ADGRL3: variants seen among roughly 807,000 people sequenced by gnomAD.
The protein encoded by ADGRL3 is adhesion G protein-coupled receptor L3.
In ADGRL3, 62 loss-of-function variants were observed where a neutral mutation model predicts 153.5. The observed-to-expected ratio is 0.40, with a 90% confidence interval of 0.33 to 0.50. The LOEUF is 0.50. ADGRL3 is among the 20% of genes least tolerant of loss of function. The pLI is 0.47. For missense variants in ADGRL3, 1,641 were observed against 1,859.4 expected (o/e 0.88, Z 2.16); for synonymous variants, 710 against 672.5 (o/e 1.06, Z -0.86).
chr4:61,775,172 C>T (rs1182412114), intron 8 of ADGRL3, among the ~76,000 whole-genome samples: 1 of 151,806 alleles, frequency 6.6e-6, no homozygotes, highest in African/African-American at 2.4e-5. Flanking sequence ...TGAATTATCC[C>T]CCAAGTATGA....
intron 9 of ADGRL3, among the ~76,000 whole-genome samples, chr4:61,888,406 A>G (rs531743621): frequency 5.3e-5 from 8 of 152,346 alleles, no homozygotes; most frequent in Non-Finnish European, 1.2e-4. Context: ...ATAAACTCTC[A>G]TAGCCTATAA....
chr4:61,490,023 A>G (rs1424865617), intron 2 of ADGRL3, among the ~76,000 whole-genome samples: 4 of 152,100 alleles, frequency 2.6e-5, no homozygotes, highest in South Asian at 2.1e-4. Flanking sequence ...GATTCTTCCT[A>G]TTACTGTCTA....
chr4:61,268,006 G>T (rs2092952484), intron 1 of ADGRL3, among the ~76,000 whole-genome samples: 1 of 151,622 alleles, frequency 6.6e-6, no homozygotes, highest in Admixed American at 6.6e-5. Context: ...AGGAAAAATA[G>T]ATATCTGACC....
In ADGRL3 at chr4:61,497,216, G is replaced by A; in HGVS notation, c.-78G>A. The stretch of plus-strand genomic sequence containing the variant: ...ATCATCAGTCTTGGAATACAGAAGA[G>A]AAACTAGAAATATACGTATTTTGTT... On this transcript the variant is annotated 5_prime_UTR_variant, in exon 3 of 27. Transcript: ENST00000683033. 1 of 823,048 alleles carries A rather than the reference G, an allele frequency of 1.2e-6. No individual in the cohort carries two copies. Among genetic ancestry groups the A allele is most frequent in the Non-Finnish European group, 2.0e-6 (1 of 507,532 alleles). 51.0% of individuals were successfully genotyped at this position (823,048 alleles called of 1,614,324 possible).
At chr4:61,580,912 C>T (rs779215630) in intron 4 of ADGRL3, among the ~76,000 whole-genome samples, 4 of 151,914 alleles carry the variant, frequency 2.6e-5, no homozygotes, top group African/African-American at 4.8e-5. Flanking sequence ...CCTTTAGAAG[C>T]GAGTCACTCA....
intron 3 of ADGRL3, among the ~76,000 whole-genome samples, chr4:61,514,484 A>G (rs1294207603): frequency 2.0e-5 from 3 of 152,242 alleles, no homozygotes; most frequent in East Asian, 1.9e-4. Context: ...CACAGAAGTC[A>G]TACAATATCT....
At chr4:61,988,208 G>A (rs953537420) in intron 19 of ADGRL3, among the ~76,000 whole-genome samples, 2 of 151,948 alleles carry the variant, frequency 1.3e-5, no homozygotes, top group African/African-American at 4.8e-5. Flanking sequence ...TGCTTGTAAG[G>A]AGCCATTATT....
chr4:61,559,025 G>T (rs1255933299), intron 4 of ADGRL3, among the ~76,000 whole-genome samples: 1 of 151,702 alleles, frequency 6.6e-6, no homozygotes, highest in African/African-American at 2.4e-5. Flanking sequence ...ATTATAATAA[G>T]GATTAATGAG....
intron 6 of ADGRL3, among the ~76,000 whole-genome samples, chr4:61,725,137 T>A (rs1267430207): frequency 6.6e-6 from 1 of 152,186 alleles, no homozygotes; most frequent in African/African-American, 2.4e-5. Flanking sequence ...GCACTGTAGA[T>A]GAGTAAGATG....
chr4:61,674,034 G>A (rs1319946905), intron 5 of ADGRL3, among the ~76,000 whole-genome samples: 1 of 151,022 alleles, frequency 6.6e-6, no homozygotes, highest in African/African-American at 2.4e-5. Context: ...AACTCACAAT[G>A]GTAACTAATA....
rs1734527202 is a variant in ADGRL3 at position 61,201,091 on chromosome 4, CT to C, written c.-913del. Among the ~76,000 whole-genome samples, 1 of 152,116 alleles carries C rather than the reference CT, an allele frequency of 6.6e-6. No individual in the cohort carries two copies. The highest frequency in any genetic ancestry group is 1.5e-5 in the Non-Finnish European group (1 of 68,012). On this transcript the variant is annotated 5_prime_UTR_variant, in exon 1 of 27. It removes the in-frame stop codon of an upstream open reading frame in the 5' UTR. Transcript: ENST00000683033. ...GGACGGTTTGGCGGAGAAGCCACCC[CT>C]GGCCCTCGCGGCTCCCCCTACCTAT...
chr4:61,592,073 C>CAAAAA (rs34116654), intron 5 of ADGRL3, among the ~76,000 whole-genome samples: 1 of 123,674 alleles, frequency 8.1e-6, no homozygotes. Context: ...GAAACTGCTT[C>CAAAAA]AAAAAAAAAA....
At chr4:61,882,110 A>G (rs1344211582) in intron 9 of ADGRL3, among the ~76,000 whole-genome samples, 1 of 152,234 alleles carries the variant, frequency 6.6e-6, no homozygotes, top group Non-Finnish European at 1.5e-5. Flanking sequence ...GAACACTAAC[A>G]TAATTGTATT....
intron 6 of ADGRL3, among the ~76,000 whole-genome samples, chr4:61,694,906 T>C (rs2095612642): frequency 6.6e-6 from 1 of 152,222 alleles, no homozygotes; most frequent in South Asian, 2.1e-4. Context: ...AGAGTCCATC[T>C]CAACATCTGC....
rs569354986 is a variant in ADGRL3, at chr4:61,313,485, G to A, written c.-239-69639G>A. ...TAGAGGGAACTTTGTGTGTGCCCAT[G>A]CAGGGGAGAAGGCCAGGTATTATAT... On this transcript the variant is annotated intron_variant, in intron 1 of 26. Transcript: ENST00000683033. Among the ~76,000 whole-genome samples the A allele has an allele frequency of 4.6e-5, 7 of 152,320 alleles. No individual in the cohort carries two copies. The South Asian group carries it at 1.4e-3, about 32-fold the overall frequency.
At chr4:61,614,032 T>C (rs1195514516) in intron 5 of ADGRL3, among the ~76,000 whole-genome samples, 1 of 151,856 alleles carries the variant, frequency 6.6e-6, no homozygotes, top group Non-Finnish European at 1.5e-5. Context: ...TCCACGTTTA[T>C]TTTTTTTAAT....
chr4:61,229,790 C>G (rs1749760572), intron 1 of ADGRL3, among the ~76,000 whole-genome samples: 1 of 151,942 alleles, frequency 6.6e-6, no homozygotes, highest in Non-Finnish European at 1.5e-5. Flanking sequence ...GCCTGTAGTC[C>G]CAGCTACTTG....
intron 5 of ADGRL3, among the ~76,000 whole-genome samples, chr4:61,654,023 C>T (rs556835867): frequency 6.6e-6 from 1 of 152,252 alleles, no homozygotes; most frequent in African/African-American, 2.4e-5. Context: ...GGATTTCCTC[C>T]AGTGACATTT....
chr4:61,342,717 T>C (rs1187354725), intron 1 of ADGRL3, among the ~76,000 whole-genome samples: 1 of 152,194 alleles, frequency 6.6e-6, no homozygotes, highest in Admixed American at 6.6e-5. Context: ...CTCATAGCTT[T>C]TGTCTTGCCA....
Sources: allele counts gnomAD v4.1 joint callset (sites outside exome capture counted in the v4.1 genomes callset), GRCh38; gene constraint gnomAD v4.1.1; transcripts MANE v1.5; gene names NCBI Gene and HGNC (gene_info 2026-07-23, HGNC 2026-07-21).